Variants in CRACDL observed in about 807,000 individuals in gnomAD.
CRACDL encodes the protein CRACD-like protein.
A neutral mutation model predicts 70.6 loss-of-function variants in CRACDL; 26 were observed. That is an observed-to-expected ratio of 0.37 (90% CI 0.27 to 0.51). CRACDL has a LOEUF of 0.51. Among genes scored for constraint, CRACDL ranks in the 20% least tolerant of loss-of-function variants. The probability of loss-of-function intolerance (pLI) is 0.94; values close to 1 mark genes in which losing one functional copy is unlikely to be tolerated. For missense variants in CRACDL, 1,283 were observed against 1,376.9 expected (o/e 0.93, Z 1.08); for synonymous variants, 618 against 615.2 (o/e 1.00, Z -0.07).
chr2:98,829,943 C>A (rs1467464311), intron 5 of CRACDL, among the ~76,000 whole-genome samples: 1 of 152,216 alleles, frequency 6.6e-6, no homozygotes, highest in Non-Finnish European at 1.5e-5. Context: ...TGAGCCAAAA[C>A]CCTCTCAGGA....
intron 9 of CRACDL, among the ~76,000 whole-genome samples, chr2:98,795,040 A>AATATATAAAAATTTATAT (rs1329934418): frequency 0.014 from 374 of 27,526 alleles, 84 homozygotes; most frequent in Middle Eastern, 0.037. Context: ...CATAATTAAA[A>AATATATAAAAATTTATAT]ATATATATAT....
chr2:98,875,443 G>A (rs1272891892), intron 1 of CRACDL, among the ~76,000 whole-genome samples: 5 of 152,230 alleles, frequency 3.3e-5, no homozygotes, highest in East Asian at 1.9e-4. Flanking sequence ...GCTCCTCACC[G>A]ACATCTGTCA....
chr2:98,822,514 C>A lies in CRACDL; in HGVS notation c.1759G>T (p.Val587Phe). 1 of 1,458,292 alleles carries A rather than the reference C, an allele frequency of 6.9e-7. No homozygotes were observed. The allele number at this position is 1,458,292 out of a possible 1,614,324, so 90.3% of individuals were successfully genotyped here. Residue 587 changes from valine (V) to phenylalanine (F), a missense_variant, in exon 7 of 10, where the codon GTC (valine) becomes TTC (phenylalanine). By Grantham distance (50) the Val-to-Phe change is conservative. Transcript: ENST00000397899. The surrounding 1 kb of genome is among the most constrained non-coding windows in gnomAD (Gnocchi z 4.9). ...SSCRARPRPG[V>F]SRPLERASGR... Reference sequence around the variant, plus strand: ...CTGGCCCGTTCCAGCGGGCGGGAGACGCCCGGACGAGGCCGCGCTCGGCAC... The same window carrying A: ...CTGGCCCGTTCCAGCGGGCGGGAGAAGCCCGGACGAGGCCGCGCTCGGCAC...
chr2:98,900,206 A>G (rs1266259976), intron 1 of CRACDL, among the ~76,000 whole-genome samples: 12 of 108,454 alleles, frequency 1.1e-4, no homozygotes, highest in South Asian at 3.9e-4. Context: ...GCAGGGGGAC[A>G]GAGGCTCAGT....
chr2:98,861,107 G>T (rs1706917069), intron 1 of CRACDL, among the ~76,000 whole-genome samples: 1 of 152,218 alleles, frequency 6.6e-6, no homozygotes, highest in South Asian at 2.1e-4. Context: ...AGCACTTTGG[G>T]AGGCCAAGGC....
chr2:98,921,739 C>G (rs916608226), intron 1 of CRACDL, among the ~76,000 whole-genome samples: 3 of 152,212 alleles, frequency 2.0e-5, no homozygotes, highest in African/African-American at 7.2e-5. Flanking sequence ...ACTCACAGAA[C>G]AGCCTCTGTC....
intron 1 of CRACDL, among the ~76,000 whole-genome samples, chr2:98,891,977 C>A (rs1707992013): frequency 6.6e-6 from 1 of 152,074 alleles, no homozygotes; most frequent in African/African-American, 2.4e-5. Context: ...TCAAAATGGG[C>A]AATCCTACTG....
intron 1 of CRACDL, among the ~76,000 whole-genome samples, chr2:98,888,792 A>C (rs939650141): frequency 2.6e-5 from 4 of 152,302 alleles, no homozygotes; most frequent in Admixed American, 2.6e-4. Flanking sequence ...TCAAAGACAC[A>C]AATAGGTTGA....
At chr2:98,861,460 G>A (rs906717533) in intron 1 of CRACDL, among the ~76,000 whole-genome samples, 4 of 152,276 alleles carry the variant, frequency 2.6e-5, no homozygotes, top group African/African-American at 7.2e-5. Context: ...GGAAACTGGA[G>A]CCTTCATTCA....
chr2:98,896,947 T>C (rs1309630330), intron 1 of CRACDL, among the ~76,000 whole-genome samples: 1 of 152,126 alleles, frequency 6.6e-6, no homozygotes, highest in Non-Finnish European at 1.5e-5. Flanking sequence ...TCTGGAAATA[T>C]TTTGCGTTAT....
intron 1 of CRACDL, among the ~76,000 whole-genome samples, chr2:98,921,620 A>G (rs1708804358): frequency 6.6e-6 from 1 of 152,258 alleles, no homozygotes; most frequent in African/African-American, 2.4e-5. Context: ...TAGCTTAGCT[A>G]AAACTCCAAA....
intron 1 of CRACDL, among the ~76,000 whole-genome samples, chr2:98,869,744 C>T (rs1408184947): frequency 2.6e-5 from 4 of 152,212 alleles, no homozygotes; most frequent in Non-Finnish European, 4.4e-5. Context: ...GTGGGAGGCA[C>T]GCTCGTCTCT....
intron 1 of CRACDL, among the ~76,000 whole-genome samples, chr2:98,919,275 T>C (rs1708741170): frequency 6.6e-6 from 1 of 152,246 alleles, no homozygotes; most frequent in Non-Finnish European, 1.5e-5. Context: ...TCTCTGGCTT[T>C]GTTCTTTTTG....
At chr2:98,811,525 A>AG (rs1384380704) in intron 7 of CRACDL, among the ~76,000 whole-genome samples, 1 of 151,374 alleles carries the variant, frequency 6.6e-6, no homozygotes, top group Non-Finnish European at 1.5e-5. Context: ...TCAAAAAAAA[A>AG]AAAAAAAAAA....
Position 98,918,539 on chromosome 2 carries a change from C to CAAAAAAAAAAA in CRACDL, c.-11+17388_-11+17398dup, listed in dbSNP as rs58312556. ...GGCGACAGAGCAAGATGTTGTCTACCAAAAAAAAAAAAAAAAAAAAAAAAA... is the reference window on the plus strand; with the variant it reads ...GGCGACAGAGCAAGATGTTGTCTACCAAAAAAAAAAAAAAAAAAAAAAAAAAAAAAAAAAAA... On this transcript the variant is annotated intron_variant, in intron 1 of 9. Coordinates refer to ENST00000397899, the MANE Select transcript of CRACDL (RefSeq NM_207362.3). Among the ~76,000 whole-genome samples, 17 of 66,344 alleles carry CAAAAAAAAAAA rather than the reference C, an allele frequency of 2.6e-4. No homozygotes were observed. The East Asian group carries it at 4.4e-3, about 17-fold the overall frequency. The allele number at this position is 66,344 out of a possible 152,430, so 43.5% of individuals were successfully genotyped here.
At chr2:98,933,884 A>G (rs1257808176) in intron 1 of CRACDL, among the ~76,000 whole-genome samples, 2 of 152,164 alleles carry the variant, frequency 1.3e-5, no homozygotes, top group South Asian at 4.1e-4. Flanking sequence ...TTGCAGTTCC[A>G]GAGGCTGGAA....
rs779096018 is a variant in CRACDL at position 98,796,214 on chromosome 2, G to T, written c.2655C>A (p.Thr885=). ...DFVRSKSFLI[T]PVKPAVDRKQ... ...TCCGGTCCACAGCGGGCTTCACAGG[G>T]GTTATCAGGAAAGACTTGCTGCGAA... The change falls in exon 9 of 10, where the codon ACC becomes ACA. Residue 885 remains threonine (T), a synonymous_variant. Coordinates refer to ENST00000397899, the MANE Select transcript of CRACDL (RefSeq NM_207362.3). 6.2e-7 allele frequency: 1 copy of T among 1,614,202 alleles called. No individual in the cohort carries two copies. The highest frequency in any genetic ancestry group is 1.3e-5 in the African/African-American group (1 of 75,064).
At chr2:98,897,061 G>A (rs1316679333) in intron 1 of CRACDL, among the ~76,000 whole-genome samples, 1 of 152,148 alleles carries the variant, frequency 6.6e-6, no homozygotes, top group Non-Finnish European at 1.5e-5. Context: ...TCAGGATGCA[G>A]AATTGTCCCA....
chr2:98,795,781 C>T (rs1345797483), intron 9 of CRACDL, among the ~76,000 whole-genome samples: 2 of 152,052 alleles, frequency 1.3e-5, no homozygotes, highest in Non-Finnish European at 2.9e-5. Context: ...CCGTGGAACC[C>T]GCACATAAAA....
Sources: gnomAD v4.1 joint callset for allele counts (sites outside exome capture counted in the v4.1 genomes callset) on GRCh38, gnomAD v4.1.1 for gene constraint, Gnocchi (gnomAD v3.1) non-coding constraint, MANE v1.5 for transcripts, NCBI Gene and HGNC (gene_info 2026-07-23, HGNC 2026-07-21) for gene names.